Variants in BLOC1S3 observed in about 807,000 individuals in gnomAD.
BLOC1S3 encodes the protein biogenesis of lysosomal organelles complex 1 subunit 3.
Under a neutral mutation model 9.1 loss-of-function variants are expected in BLOC1S3, and 7 were observed. That is an observed-to-expected ratio of 0.77 (90% confidence interval 0.44 to 1.45). BLOC1S3 has a LOEUF of 1.45. Among genes scored for constraint, BLOC1S3 ranks in the 40% most tolerant of loss-of-function variants. The pLI is 0.01. For missense variants in BLOC1S3, 307 were observed against 315.2 expected, an observed-to-expected ratio of 0.97 and a Z score of 0.20; for synonymous variants, 145 against 158.4, an observed-to-expected ratio of 0.92 and a Z score of 0.64.
chr19:45,208,328 C>T (rs547535575), intron 3 of BLOC1S3, among the ~76,000 whole-genome samples: 30 of 152,126 alleles, frequency 2.0e-4, no homozygotes, highest in African/African-American at 7.2e-4. Context: ...AATAATCAGT[C>T]AGGTGCCATC....
At chr19:45,214,882 G>T (rs997957651) in intron 3 of BLOC1S3, among the ~76,000 whole-genome samples, 3 of 152,020 alleles carry the variant, frequency 2.0e-5, no homozygotes, top group African/African-American at 7.2e-5. Context: ...TAGGCCAAGC[G>T]CAGTGGCTCA....
intron 3 of BLOC1S3, among the ~76,000 whole-genome samples, chr19:45,206,956 C>T (rs888793872): frequency 6.6e-6 from 1 of 151,918 alleles, no homozygotes; most frequent in Non-Finnish European, 1.5e-5. Context: ...CCCTGCCTCA[C>T]TCAGCCTCCA....
At chr19:45,198,888 G>C (rs1969669151) in intron 2 of BLOC1S3, 1 of 151,760 alleles carries the variant, frequency 6.6e-6, no homozygotes, top group Admixed American at 6.6e-5. Context: ...TGTATTTTTA[G>C]TCGAGACGGG....
Position 45,179,228 on chromosome 19 carries a change from G to A in BLOC1S3, c.-9-60G>A, listed in dbSNP as rs1281811563. The A allele has an allele frequency of 3.9e-5, 56 of 1,434,692 alleles. No homozygotes were observed. The highest frequency in any genetic ancestry group is 5.0e-5 in the Non-Finnish European group (55 of 1,097,158). 88.9% of individuals were successfully genotyped at this position (1,434,692 alleles called of 1,614,324 possible). A position where few individuals can be genotyped will look rare whatever the true frequency, so the allele number is the denominator to read the frequency against. ...CGAAGGGGCTGGGAATCCAGGACCTGCGCCTTTTACCCACCGCGGCGCCGG... is the reference window on the plus strand; with the variant it reads ...CGAAGGGGCTGGGAATCCAGGACCTACGCCTTTTACCCACCGCGGCGCCGG... On this transcript the variant is annotated intron_variant, in intron 1 of 1. Coordinates refer to ENST00000433642, the MANE Select transcript of BLOC1S3 (RefSeq NM_212550.5). The surrounding 1 kb of genome is among the most constrained non-coding windows in gnomAD (Gnocchi z 4.6).
chr19:45,203,161 C>T (rs189950896), intron 3 of BLOC1S3, among the ~76,000 whole-genome samples: 50 of 152,238 alleles, frequency 3.3e-4, no homozygotes, highest in African/African-American at 1.2e-3. Flanking sequence ...CAGCCAATGT[C>T]TCAGTGGGCC....
intron 2 of BLOC1S3, among the ~76,000 whole-genome samples, chr19:45,200,182 A>ATTTTTTT (rs4012970): frequency 1.5e-5 from 2 of 135,194 alleles, no homozygotes. Context: ...TTTCTACTTA[A>ATTTTTTT]TTTTTTTTTT....
chr19:45,206,449 A>ATTTTTTTTTTTTTTTTTTTT (rs1401665312), intron 3 of BLOC1S3, among the ~76,000 whole-genome samples: 1 of 48,622 alleles, frequency 2.1e-5, no homozygotes. Context: ...GGATTAATCA[A>ATTTTTTTTTTTTTTTTTTTT]GTTTTTTTTT....
At chr19:45,215,497 G>A (rs1169552984) in intron 3 of BLOC1S3, among the ~76,000 whole-genome samples, 2 of 152,030 alleles carry the variant, frequency 1.3e-5, no homozygotes, top group Non-Finnish European at 2.9e-5. Flanking sequence ...AAGTTGGCAT[G>A]TAAGATGCTT....
intron 2 of BLOC1S3, among the ~76,000 whole-genome samples, chr19:45,190,356 T>TTCTCTC (rs35662974): frequency 1.4e-5 from 2 of 147,810 alleles, no homozygotes; most frequent in Non-Finnish European, 3.0e-5. Context: ...AGACCCCTCC[T>TTCTCTC]TCTCTCTCTC....
exon 4 of BLOC1S3, chr19:45,216,916 A>G (rs535921281): frequency 6.6e-6 from 1 of 150,474 alleles, no homozygotes; most frequent in Admixed American, 6.6e-5. Flanking sequence ...CCAGCTGAAT[A>G]CAACTGGGTA....
intron 3 of BLOC1S3, chr19:45,213,430 C>G: frequency 6.4e-7 from 1 of 1,555,994 alleles, no homozygotes; most frequent in Non-Finnish European, 8.7e-7. Context: ...GCCGTGGACC[C>G]CACCTGACCC....
At chr19:45,212,167 C>T (rs920816024) in intron 3 of BLOC1S3, among the ~76,000 whole-genome samples, 1 of 152,300 alleles carries the variant, frequency 6.6e-6, no homozygotes, top group Admixed American at 6.5e-5. Context: ...CTCAGAGTGG[C>T]GAAGGCCTGG....
chr19:45,179,934 A>G lies in BLOC1S3; in HGVS notation c.*29A>G, dbSNP rs770094438. The G allele has an allele frequency of 1.2e-6, 2 of 1,600,896 alleles. No homozygotes were observed. The highest frequency in any genetic ancestry group is 2.3e-5 in the East Asian group (1 of 43,332). On this transcript the variant is annotated 3_prime_UTR_variant, in exon 2 of 2. Transcript: ENST00000433642. The surrounding 1 kb of genome is among the most constrained non-coding windows in gnomAD (Gnocchi z 4.6). ...TGATTCTACTTCCCAACCTGACTGC[A>G]ATTTGGGGGTAGGCCTTGCTGCCTC...
intron 2 of BLOC1S3, among the ~76,000 whole-genome samples, chr19:45,192,137 A>T (rs1396042051): frequency 6.6e-6 from 1 of 152,104 alleles, no homozygotes; most frequent in Non-Finnish European, 1.5e-5. Flanking sequence ...CACACAAGCC[A>T]CAAGACAAAA....
At chr19:45,203,291 TTTGAG>T (rs1480131251) in intron 3 of BLOC1S3, among the ~76,000 whole-genome samples, 1 of 134,120 alleles carries the variant, frequency 7.5e-6, no homozygotes, top group Non-Finnish European at 1.6e-5. Flanking sequence ...TATTTATTTA[TTTGAG>T]ATGGAGTCTT....
At chr19:45,201,900 T>C (rs972973636) in intron 2 of BLOC1S3, among the ~76,000 whole-genome samples, 1 of 152,036 alleles carries the variant, frequency 6.6e-6, no homozygotes, top group Non-Finnish European at 1.5e-5. Context: ...TTGGCTTGGT[T>C]CTCATTCTGT....
chr19:45,196,621 G>A (rs982073297), intron 2 of BLOC1S3, among the ~76,000 whole-genome samples: 3 of 152,124 alleles, frequency 2.0e-5, no homozygotes, highest in Non-Finnish European at 4.4e-5. Context: ...AGCCGGGAGC[G>A]GTGGCTCACG....
chr19:45,194,768 G>A (rs749192854), intron 2 of BLOC1S3, among the ~76,000 whole-genome samples: 10 of 152,092 alleles, frequency 6.6e-5, no homozygotes, highest in Non-Finnish European at 1.5e-4. Context: ...CATGCTAGGG[G>A]TGTTGAAGGT....
At chr19:45,184,887 G>C (rs1388308633), downstream of BLOC1S3, among the ~76,000 whole-genome samples, 1 of 105,082 alleles carries the variant, frequency 9.5e-6, no homozygotes, top group African/African-American at 3.6e-5. Context: ...GTGAAAGAGC[G>C]AGACTCTGTC....
Sources: gnomAD v4.1 joint callset for allele counts (sites outside exome capture counted in the v4.1 genomes callset) on GRCh38, gnomAD v4.1.1 for gene constraint, Gnocchi (gnomAD v3.1) non-coding constraint, MANE v1.5 for transcripts, NCBI Gene and HGNC (gene_info 2026-07-23, HGNC 2026-07-21) for gene names.